The following FAM153A variants were observed in gnomAD, a reference collection of about 807,000 sequenced individuals.
FAM153A encodes protein FAM153A.
Under a neutral mutation model 48.1 loss-of-function variants are expected in FAM153A, and 12 were observed. The observed-to-expected ratio is 0.25, with a 90% CI of 0.16 to 0.40. The LOEUF is 0.40. Ranked by LOEUF, FAM153A falls within the 10% of genes least tolerant of loss-of-function variation. FAM153A has a pLI of 1.00. For synonymous variants in FAM153A, 36 were observed against 118.2 expected (o/e 0.30, Z 4.51); for missense variants, 111 against 345.8 (o/e 0.32, Z 5.38).
the FAM153A span, among the ~76,000 whole-genome samples, chr5:177,696,065 T>C: frequency 3.7e-3 from 317 of 85,652 alleles, 61 homozygotes; most frequent in Non-Finnish European, 4.1e-3. Context: ...ACTTCCCAGA[T>C]GATGGGCGGC....
upstream of FAM153A, among the ~76,000 whole-genome samples, chr5:177,754,426 C>T (rs369551504): frequency 6.0e-3 from 905 of 151,926 alleles, 9 homozygotes; most frequent in Non-Finnish European, 9.6e-3. Flanking sequence ...CATAGCCAAA[C>T]AAAAGGCAGC....
At chr5:177,725,457 C>T (rs1254433396) in intron 18 of FAM153A, among the ~76,000 whole-genome samples, 2 of 150,068 alleles carry the variant, frequency 1.3e-5, no homozygotes, top group African/African-American at 2.5e-5. Flanking sequence ...AAAAGAATCC[C>T]AGCAGCTTCT....
At chr5:177,759,600 G>A (rs1162783088) in intron 1 of FAM153A, among the ~76,000 whole-genome samples, 7 of 151,522 alleles carry the variant, frequency 4.6e-5, no homozygotes, top group African/African-American at 1.7e-4. Flanking sequence ...TTAAGAAAAT[G>A]TGGCACATAT....
the FAM153A span, among the ~76,000 whole-genome samples, chr5:177,699,031 G>T: frequency 6.6e-5 from 10 of 151,608 alleles, no homozygotes; most frequent in African/African-American, 2.0e-4. Flanking sequence ...GAACTCCTGG[G>T]CTCAAGTAAT....
the FAM153A span, among the ~76,000 whole-genome samples, chr5:177,698,621 G>A: frequency 1.4e-4 from 21 of 151,948 alleles, no homozygotes; most frequent in East Asian, 3.9e-3. Context: ...ATATATTGAT[G>A]TTTAAAAAAT....
At chr5:177,709,493 C>T (rs1758199488), downstream of FAM153A, among the ~76,000 whole-genome samples, 1 of 147,964 alleles carries the variant, frequency 6.8e-6, no homozygotes, top group Admixed American at 6.7e-5. Context: ...TCCCGAATAG[C>T]TGGGATTACA....
chr5:177,709,461 A>G (rs1758194833), downstream of FAM153A, among the ~76,000 whole-genome samples: 1 of 148,806 alleles, frequency 6.7e-6, no homozygotes, highest in Non-Finnish European at 1.5e-5. Context: ...TTCCAGGTTC[A>G]AGCGATTCTC....
downstream of FAM153A, among the ~76,000 whole-genome samples, chr5:177,704,336 T>C (rs1454466394): frequency 1.6e-5 from 1 of 62,416 alleles, no homozygotes; most frequent in African/African-American, 9.9e-5. Flanking sequence ...AGGTCGGGCA[T>C]GGTGGGAGGT....
chr5:177,709,683 T>G (rs1445351742), downstream of FAM153A, among the ~76,000 whole-genome samples: 4 of 143,104 alleles, frequency 2.8e-5, no homozygotes, highest in East Asian at 2.0e-4. Flanking sequence ...TGTTTTTTTT[T>G]TTTTTTGACC....
chr5:177,734,663 C>A (rs933651282), intron 13 of FAM153A, among the ~76,000 whole-genome samples, 200 bp downstream of exon 15: 2 of 146,196 alleles, frequency 1.4e-5, no homozygotes, highest in Admixed American at 6.7e-5. Context: ...CACTGTTACA[C>A]AACAGGTGAC....
chr5:177,752,928 C>T (rs1767197555), intron 1 of FAM153A, among the ~76,000 whole-genome samples: 1 of 98,142 alleles, frequency 1.0e-5, no homozygotes. Context: ...ACTCTTCACT[C>T]TTCCAAAAAA....
chr5:177,744,661 T>A (rs1765735584), intron 5 of FAM153A, among the ~76,000 whole-genome samples: 1 of 19,290 alleles, frequency 5.2e-5, no homozygotes, highest in East Asian at 2.3e-3. Context: ...GAGAACAAAA[T>A]TAGTAAGGCA....
At chr5:177,738,177 T>G (rs1403591001) in intron 10 of FAM153A, among the ~76,000 whole-genome samples, 1 of 151,296 alleles carries the variant, frequency 6.6e-6, no homozygotes, top group African/African-American at 2.5e-5. Flanking sequence ...ACACCCAAGT[T>G]TTTCCTTCGG....
At chr5:177,728,753 G>T (rs1336664377) in intron 18 of FAM153A, among the ~76,000 whole-genome samples, 1 of 150,792 alleles carries the variant, frequency 6.6e-6, no homozygotes, top group Non-Finnish European at 1.5e-5. Context: ...TTTTAGGAGC[G>T]ATGGGGTTTC....
chr5:177,746,734 C>T (rs1191133056), intron 4 of FAM153A, among the ~76,000 whole-genome samples: 1 of 151,362 alleles, frequency 6.6e-6, no homozygotes, highest in Non-Finnish European at 1.5e-5. Context: ...TCATGGGTGA[C>T]AGCAGGTGGG....
rs1466677001 is a variant in FAM153A, at chr5:177,769,211, C to T, written c.-57+11238G>A. Among the ~76,000 whole-genome samples, 15 of 57,888 alleles carry T rather than the reference C, an allele frequency of 2.6e-4. 3 individuals are homozygous for T. Among genetic ancestry groups the T allele is most frequent in the Admixed American group, 4.8e-4 (2 of 4,124 alleles). 38.0% of individuals were successfully genotyped at this position (57,888 alleles called of 152,430 possible). A position where few individuals can be genotyped will look rare whatever the true frequency, so the allele number is the denominator to read the frequency against. ...TCACAGCATTGCACTCCAGCCTGGG[C>T]GACAGCGAGACTCCGTCCCAAAAAA... On this transcript the variant is annotated intron_variant, in intron 1 of 8. Transcript: ENST00000393518.
intron 18 of FAM153A, among the ~76,000 whole-genome samples, chr5:177,728,782 GT>G (rs2127614303): frequency 6.7e-6 from 1 of 150,256 alleles, no homozygotes; most frequent in East Asian, 2.0e-4. Context: ...AGTCAGGCTG[GT>G]CTCAAACTCC....
chr5:177,758,855 CTT>C, intron 1 of FAM153A, among the ~76,000 whole-genome samples: 1 of 84,812 alleles, frequency 1.2e-5, no homozygotes, highest in Non-Finnish European at 3.2e-5. Context: ...AAATGTTAGA[CTT>C]AAACCATAAA....
intron 1 of FAM153A, among the ~76,000 whole-genome samples, chr5:177,761,439 A>T (rs1768310378): frequency 6.6e-6 from 1 of 152,072 alleles, no homozygotes; most frequent in East Asian, 1.9e-4. Flanking sequence ...CTGGCCGACT[A>T]CATCATGCAC....
Sources: gnomAD v4.1 joint callset for allele counts (sites outside exome capture counted in the v4.1 genomes callset) on GRCh38, gnomAD v4.1.1 for gene constraint, MANE v1.5 for transcripts, NCBI Gene and HGNC (gene_info 2026-07-23, HGNC 2026-07-21) for gene names.